GAL3ST2: variants seen among roughly 807,000 people sequenced by gnomAD.
GAL3ST2 encodes the protein beta-galactose-3-O-sulfotransferase 2.
A neutral mutation model predicts 12.9 loss-of-function variants in GAL3ST2; 16 were observed. The ratio of observed to expected loss-of-function variants is 1.24; its 90% confidence interval spans 0.84 to 1.88. GAL3ST2 has a LOEUF of 1.88. Among genes scored for constraint, GAL3ST2 ranks in the 40% most tolerant of loss-of-function variants. The probability of loss-of-function intolerance (pLI) is 0.00; values close to 1 mark genes in which losing one functional copy is unlikely to be tolerated. For synonymous variants in GAL3ST2, 302 were observed against 273.9 expected, an observed-to-expected ratio of 1.10 and a Z score of -1.01; for missense variants, 639 against 571.8, an observed-to-expected ratio of 1.12 and a Z score of -1.20.
At chr2:241,787,786 T>G (rs963338576) in intron 1 of GAL3ST2, among the ~76,000 whole-genome samples, 16 of 152,160 alleles carry the variant, frequency 1.1e-4, no homozygotes, top group Non-Finnish European at 2.2e-4. Flanking sequence ...TCTTAATTTC[T>G]CCTTTCCGTC....
rs1470187264 is a variant in GAL3ST2, at chr2:241,783,628, T to C, written c.29+6644T>C. Among the ~76,000 whole-genome samples the C allele has an allele frequency of 2.0e-5, 3 of 152,382 alleles. 1 individual carries two copies. The highest frequency in any genetic ancestry group is 2.9e-5 in the Non-Finnish European group (2 of 68,036). On this transcript the variant is annotated intron_variant, in intron 1 of 3. Coordinates refer to ENST00000192314, the MANE Select transcript of GAL3ST2 (RefSeq NM_022134.3). ...ATTTAATATAACTTTAGATTCTAAATTATGACGTTTGTCTGCAAGTATTTA... is the reference window on the plus strand; with the variant it reads ...ATTTAATATAACTTTAGATTCTAAACTATGACGTTTGTCTGCAAGTATTTA...
chr2:241,800,190 G>A lies in GAL3ST2; in HGVS notation c.119+1036G>A, dbSNP rs1349437972. Among the ~76,000 whole-genome samples, 4 of 152,292 alleles carry A rather than the reference G, an allele frequency of 2.6e-5. No homozygotes were observed. The East Asian group carries it at 7.7e-4, about 29-fold the overall frequency. ...TCTCTAGGTTGGGGTGCAGTGATGGGTCTGGTGGGGGTTCCAGGGTTGGGG... is the reference window on the plus strand; with the variant it reads ...TCTCTAGGTTGGGGTGCAGTGATGGATCTGGTGGGGGTTCCAGGGTTGGGG... On this transcript the variant is annotated intron_variant, in intron 2 of 3. Coordinates refer to ENST00000192314, the MANE Select transcript of GAL3ST2 (RefSeq NM_022134.3). The surrounding 1 kb of genome is among the most constrained non-coding windows in gnomAD (Gnocchi z 5.2).
At chr2:241,791,555 G>C (rs1451098804) in intron 1 of GAL3ST2, among the ~76,000 whole-genome samples, 1 of 152,160 alleles carries the variant, frequency 6.6e-6, no homozygotes, top group African/African-American at 2.4e-5. Flanking sequence ...AGGAGCCCCA[G>C]GTTTATCCTG....
At chr2:241,798,038 T>C (rs1261621830) in intron 1 of GAL3ST2, among the ~76,000 whole-genome samples, 7 of 152,150 alleles carry the variant, frequency 4.6e-5, no homozygotes, top group Non-Finnish European at 4.4e-5. Context: ...GCCCACGTGG[T>C]AGCCCCACCC....
rs1699764949 is a variant in GAL3ST2, at chr2:241,795,710, T to G, written c.30-3355T>G. ...GGCAGAGCAGGAGCTCCGCTCTCAG[T>G]GTGGGGCCTCGTTTGGGTTTGGGAA... On this transcript the variant is annotated intron_variant, in intron 1 of 3. Transcript: ENST00000192314. This position sits in a 1 kb window ranked among gnomAD's most constrained non-coding sequence, Gnocchi z 4.5. Among the ~76,000 whole-genome samples the G allele has an allele frequency of 6.6e-6, 1 of 152,240 alleles. No homozygotes were observed. Among genetic ancestry groups the G allele is most frequent in the Non-Finnish European group, 1.5e-5 (1 of 68,042 alleles).
In GAL3ST2 at chr2:241,804,133, G is replaced by A. The variant is rs1175753863; in HGVS notation, c.1164G>A (p.Lys388=). ...TGTACGCCCTGCAGTTCCCGGAGAA[G>A]CCCCTCAAGAACATCCCGTTCCTGG... ...ARLYALQFPE[K]PLKNIPFLGA Residue 388 remains lysine, a synonymous_variant, in exon 4 of 4, where the codon AAG becomes AAA. Transcript: ENST00000192314. The A allele has an allele frequency of 6.7e-7, 1 of 1,484,894 alleles. No individual in the cohort carries two copies. Among genetic ancestry groups the A allele is most frequent in the Admixed American group, 2.3e-5 (1 of 42,648 alleles). The allele number at this position is 1,484,894 out of a possible 1,614,324, so 92.0% of individuals were successfully genotyped here.
intron 1 of GAL3ST2, among the ~76,000 whole-genome samples, chr2:241,778,110 C>G (rs1380018115): frequency 6.6e-6 from 1 of 152,242 alleles, no homozygotes; most frequent in African/African-American, 2.4e-5. Flanking sequence ...CTTCATTGAG[C>G]ACGGCCTGCA....
In GAL3ST2 at chr2:241,802,140, G is replaced by A; in HGVS notation, c.375+104G>A. 2 of 1,393,018 alleles carry A rather than the reference G, an allele frequency of 1.4e-6. No homozygotes were observed. The highest frequency in any genetic ancestry group is 1.4e-5 in the South Asian group (1 of 71,116). The allele number at this position is 1,393,018 out of a possible 1,614,324, so 86.3% of individuals were successfully genotyped here. A position where few individuals can be genotyped will look rare whatever the true frequency, so the allele number is the denominator to read the frequency against. ...CTGGAGAGAAGGAGTGTAAGGCTTG[G>A]GGGCGGGGCGTGCAGAAGGCGGGTT... On this transcript the variant is annotated intron_variant, in intron 3 of 3. Transcript: ENST00000192314. This position sits in a 1 kb window ranked among gnomAD's most constrained non-coding sequence, Gnocchi z 4.8.
intron 1 of GAL3ST2, among the ~76,000 whole-genome samples, chr2:241,778,698 A>G (rs1338561014): frequency 6.6e-6 from 1 of 152,136 alleles, no homozygotes; most frequent in Non-Finnish European, 1.5e-5. Flanking sequence ...GGTCCTGATG[A>G]CGTGTGCCCA....
chr2:241,796,989 C>T (rs1389475161), intron 1 of GAL3ST2, among the ~76,000 whole-genome samples: 2 of 152,146 alleles, frequency 1.3e-5, no homozygotes, highest in South Asian at 2.1e-4. Context: ...TGCACCTGGC[C>T]GCCCTGGCGC....
At chr2:241,783,383 A>T (rs1366413685) in intron 1 of GAL3ST2, among the ~76,000 whole-genome samples, 1 of 152,206 alleles carries the variant, frequency 6.6e-6, no homozygotes, top group South Asian at 2.1e-4. Flanking sequence ...TTACCATACA[A>T]GATTCTTTCT....
chr2:241,796,756 C>T (rs919894253), intron 1 of GAL3ST2, among the ~76,000 whole-genome samples: 1 of 152,134 alleles, frequency 6.6e-6, no homozygotes, highest in African/African-American at 2.4e-5. Flanking sequence ...AGCTGAGCGC[C>T]CGGGGTAGAT....
rs1402480950 is a variant in GAL3ST2 at position 241,803,794 on chromosome 2, G to T, written c.825G>T (p.Trp275Cys). ...AGACCCGGGAGCGCGCGCGGAGCTG[G>T]TGCGCGCTGGACTGGCGCCTGTACG... Reference protein sequence around the residue: ...SPETRERARSWCALDWRLYEH... With the variant: ...SPETRERARSCCALDWRLYEH... Residue 275 changes from tryptophan (W) to cysteine (C), a missense_variant, in exon 4 of 4, where the codon TGG becomes TGT. Transcript: ENST00000192314. 6 of 1,505,226 alleles carry T rather than the reference G, an allele frequency of 4.0e-6. No individual in the cohort carries two copies. In the African/African-American group the frequency reaches 7.3e-5, roughly 18 times the overall value. The allele number at this position is 1,505,226 out of a possible 1,614,324, so 93.2% of individuals were successfully genotyped here.
chr2:241,785,837 C>T lies in GAL3ST2; in HGVS notation c.29+8853C>T, dbSNP rs1699620977. On this transcript the variant is annotated intron_variant, in intron 1 of 3. Coordinates refer to ENST00000192314, the MANE Select transcript of GAL3ST2 (RefSeq NM_022134.3). ...ACAAAAAACCCAAAAACATGAAGAA[C>T]ATGAAGAAGGCCTTTTAAATACACA... is the stretch of plus-strand genomic sequence containing the variant. Among the ~76,000 whole-genome samples, 4 of 151,656 alleles carry T rather than the reference C, an allele frequency of 2.6e-5. No homozygotes were observed. In the South Asian group the frequency reaches 8.4e-4, roughly 32 times the overall value.
chr2:241,779,843 G>A (rs887887165), intron 1 of GAL3ST2, among the ~76,000 whole-genome samples: 5 of 151,830 alleles, frequency 3.3e-5, no homozygotes, highest in Non-Finnish European at 5.9e-5. Flanking sequence ...AAAATTAGCC[G>A]GGCATGGTGG....
rs1481780411 is a variant in GAL3ST2, at chr2:241,802,124, A to G, written c.375+88A>G. Reference sequence around the variant, plus strand: ...TGGTGTAGCCTGGAGGCTGGAGAGAAGGAGTGTAAGGCTTGGGGGCGGGGC... The same window carrying G: ...TGGTGTAGCCTGGAGGCTGGAGAGAGGGAGTGTAAGGCTTGGGGGCGGGGC... On this transcript the variant is annotated intron_variant, in intron 3 of 3. Coordinates refer to ENST00000192314, the MANE Select transcript of GAL3ST2 (RefSeq NM_022134.3). The surrounding 1 kb of genome is among the most constrained non-coding windows in gnomAD (Gnocchi z 4.8). 3 of 1,268,404 alleles carry G rather than the reference A, an allele frequency of 2.4e-6. No homozygotes were observed. In the African/African-American group the frequency reaches 4.6e-5, roughly 19 times the overall value. The allele number at this position is 1,268,404 out of a possible 1,614,324, so 78.6% of individuals were successfully genotyped here.
chr2:241,791,096 T>G (rs1699688190), intron 1 of GAL3ST2, among the ~76,000 whole-genome samples: 1 of 152,232 alleles, frequency 6.6e-6, no homozygotes, highest in Non-Finnish European at 1.5e-5. Flanking sequence ...TAAAAATGTT[T>G]TAAACCAAGC....
Position 241,801,073 on chromosome 2 carries a change from C to T in GAL3ST2, c.120-708C>T, listed in dbSNP as rs1204859149. The T allele has an allele frequency of 2.0e-5, 3 of 152,220 alleles. No individual in the cohort carries two copies. Among genetic ancestry groups the T allele is most frequent in the Admixed American group, 6.5e-5 (1 of 15,278 alleles). 9.4% of individuals were successfully genotyped at this position (152,220 alleles called of 1,614,324 possible). A position where few individuals can be genotyped will look rare whatever the true frequency, so the allele number is the denominator to read the frequency against. On this transcript the variant is annotated intron_variant, in intron 2 of 3. Coordinates refer to ENST00000192314, the MANE Select transcript of GAL3ST2 (RefSeq NM_022134.3). The surrounding 1 kb of genome is among the most constrained non-coding windows in gnomAD (Gnocchi z 4.4). ...AGCCCGTCATCTAGGTTTCAAGCCC[C>T]GCATGCATTAGGTATTTGTCCTAAT...
rs141112710 is a variant in GAL3ST2, at chr2:241,795,042, A to G, written c.30-4023A>G. ...GTAGTGCAGCCACAGGCTCTCCTTAAAGAATGTGTAACAATGTGTAACTCC... is the reference window on the plus strand; with the variant it reads ...GTAGTGCAGCCACAGGCTCTCCTTAGAGAATGTGTAACAATGTGTAACTCC... On this transcript the variant is annotated intron_variant, in intron 1 of 3. Coordinates refer to ENST00000192314, the MANE Select transcript of GAL3ST2 (RefSeq NM_022134.3). The surrounding 1 kb of genome is among the most constrained non-coding windows in gnomAD (Gnocchi z 4.5). Among the ~76,000 whole-genome samples, 917 of 152,250 alleles carry G rather than the reference A, an allele frequency of 6.0e-3. 1 individual carries two copies. Among genetic ancestry groups the G allele is most frequent in the South Asian group, 0.021 (101 of 4,826 alleles).
Sources: gnomAD v4.1 joint callset for allele counts (sites outside exome capture counted in the v4.1 genomes callset) on GRCh38, gnomAD v4.1.1 for gene constraint, Gnocchi (gnomAD v3.1) non-coding constraint, MANE v1.5 for transcripts, NCBI Gene and HGNC (gene_info 2026-07-23, HGNC 2026-07-21) for gene names.